The following VPS45 variants were observed in gnomAD, a reference collection of about 807,000 sequenced individuals.
VPS45 encodes vacuolar protein sorting 45 homolog.
A neutral mutation model predicts 75.9 loss-of-function variants in VPS45; 35 were observed. That is an observed-to-expected ratio of 0.46 (90% confidence interval 0.35 to 0.61). The LOEUF is 0.61. VPS45 is among the 20% of genes least tolerant of loss of function. The probability of loss-of-function intolerance (pLI) is 0.00; values close to 1 mark genes in which losing one functional copy is unlikely to be tolerated. For missense variants in VPS45, 559 were observed against 685.9 expected (o/e 0.81, Z 2.07); for synonymous variants, 220 against 238.2 (o/e 0.92, Z 0.70).
At chr1:150,115,703 G>A (rs1657893754) in intron 14 of VPS45, among the ~76,000 whole-genome samples, 1 of 152,138 alleles carries the variant, frequency 6.6e-6, no homozygotes, top group African/African-American at 2.4e-5. Flanking sequence ...TTTTATGTTA[G>A]TTGCTATACA....
At chr1:150,094,760 T>G (rs954396281) in intron 13 of VPS45, among the ~76,000 whole-genome samples, 1 of 152,218 alleles carries the variant, frequency 6.6e-6, no homozygotes, top group Admixed American at 6.5e-5. Flanking sequence ...TGCATTAATG[T>G]GATAAATAAA....
In VPS45 at chr1:150,131,317, T is replaced by C. The variant is rs149591172; in HGVS notation, c.1626-13392T>C. Among the ~76,000 whole-genome samples the C allele has an allele frequency of 2.8e-3, 429 of 152,226 alleles. 1 individual carries two copies. The highest frequency in any genetic ancestry group is 0.027 in the Middle Eastern group (8 of 294). Reference sequence around the variant, plus strand: ...TGAGGTCAGGAGTTTGAAACCAGCCTGGCCAACGTGGTGACACCCCATCTC... The same window carrying C: ...TGAGGTCAGGAGTTTGAAACCAGCCCGGCCAACGTGGTGACACCCCATCTC... On this transcript the variant is annotated intron_variant, in intron 14 of 14. Transcript: ENST00000644510.
At chr1:150,082,027 C>A in intron 9 of VPS45, 30 bp downstream of exon 9, 1 of 1,410,570 alleles carries the variant, frequency 7.1e-7, no homozygotes, top group Non-Finnish European at 1.0e-6. Context: ...GAATGACAAA[C>A]ATGTGACAGT....
At chr1:150,086,336 TG>T (rs782525133) in intron 10 of VPS45, among the ~76,000 whole-genome samples, 1 of 152,156 alleles carries the variant, frequency 6.6e-6, no homozygotes, top group South Asian at 2.1e-4. Flanking sequence ...TTATGGTACT[TG>T]GTACTTACAG....
At chr1:150,071,821 TAC>T (rs1321726062) in intron 2 of VPS45, among the ~76,000 whole-genome samples, 1 of 150,144 alleles carries the variant, frequency 6.7e-6, no homozygotes, top group East Asian at 1.9e-4. Flanking sequence ...AGCAAATGAA[TAC>T]AATTTATAGA....
At chr1:150,118,341 G>GA (rs1308268125) in intron 14 of VPS45, among the ~76,000 whole-genome samples, 1 of 149,376 alleles carries the variant, frequency 6.7e-6, no homozygotes, top group Non-Finnish European at 1.5e-5. Context: ...CAAAAAAGTA[G>GA]AAAAAAGAAA....
At chr1:150,091,885 A>C in intron 10 of VPS45, 52 bp from the exon 11 acceptor site, 1 of 1,560,302 alleles carries the variant, frequency 6.4e-7, no homozygotes, top group African/African-American at 1.4e-5. Context: ...GGCATTGTAC[A>C]ACAGATGACT....
intron 14 of VPS45, among the ~76,000 whole-genome samples, chr1:150,113,995 A>G (rs1163569805): frequency 6.6e-6 from 1 of 152,200 alleles, no homozygotes; most frequent in African/African-American, 2.4e-5. Flanking sequence ...TTTTAACTGT[A>G]ATCACTTTCC....
intron 14 of VPS45, among the ~76,000 whole-genome samples, chr1:150,112,541 G>A (rs1553807362): frequency 1.3e-5 from 2 of 152,090 alleles, no homozygotes; most frequent in African/African-American, 2.4e-5. Flanking sequence ...ACAGTGAGGG[G>A]CTTTTTTCTT....
intron 3 of VPS45, 85 bp from the exon 4 acceptor site, chr1:150,076,148 C>A (rs1655368702): frequency 3.4e-6 from 3 of 886,824 alleles, no homozygotes; most frequent in Non-Finnish European, 3.3e-6. Context: ...GTCACTTATT[C>A]ATTAGGCTTT....
intron 14 of VPS45, among the ~76,000 whole-genome samples, chr1:150,131,763 T>C (rs1658852458): frequency 6.6e-6 from 1 of 151,898 alleles, no homozygotes; most frequent in Non-Finnish European, 1.5e-5. Flanking sequence ...GGAAGATCAC[T>C]TGAGCCCAGG....
intron 14 of VPS45, among the ~76,000 whole-genome samples, chr1:150,119,589 A>C (rs1658122990): frequency 6.6e-6 from 1 of 152,060 alleles, no homozygotes; most frequent in Admixed American, 6.5e-5. Context: ...CTCTCCTTTT[A>C]CACTTAGAAT....
chr1:150,136,145 G>A (rs1203395741), intron 14 of VPS45, among the ~76,000 whole-genome samples: 2 of 150,220 alleles, frequency 1.3e-5, no homozygotes, highest in African/African-American at 4.9e-5. Context: ...GCTACTAGCA[G>A]GGCTGAGGCA....
chr1:150,073,315 G>A (rs782455514), intron 3 of VPS45, among the ~76,000 whole-genome samples: 3 of 152,148 alleles, frequency 2.0e-5, no homozygotes, highest in Non-Finnish European at 2.9e-5. Context: ...TTAGACTACA[G>A]TCTAAGACGT....
intron 14 of VPS45, among the ~76,000 whole-genome samples, chr1:150,126,547 A>T (rs147492740): frequency 6.6e-6 from 1 of 152,156 alleles, no homozygotes; most frequent in African/African-American, 2.4e-5. Context: ...TGCTCAAGTG[A>T]TGGAAATGTT....
chr1:150,098,727 C>G (rs1372500551), intron 13 of VPS45: 1 of 394,666 alleles, frequency 2.5e-6, no homozygotes, highest in South Asian at 5.1e-5. Flanking sequence ...TAGCCCTTAG[C>G]TGTTAAATTA....
chr1:150,112,744 G>A lies in VPS45; in HGVS notation c.1625+2117G>A, dbSNP rs189531720. Among the ~76,000 whole-genome samples the A allele has an allele frequency of 7.4e-4, 113 of 152,256 alleles. 2 individuals carry two copies. The highest frequency in any genetic ancestry group is 2.5e-3 in the African/African-American group (102 of 41,552). On this transcript the variant is annotated intron_variant, in intron 14 of 14. Coordinates refer to ENST00000644510, the MANE Select transcript of VPS45 (RefSeq NM_007259.5). The stretch of plus-strand genomic sequence containing the variant: ...GCCAGTCACAAGTTCCAGACCACCC[G>A]TATTTCGGGAGTGACTGGTTGTAAA...
chr1:150,135,781 G>A (rs1391808136), intron 14 of VPS45, among the ~76,000 whole-genome samples: 4 of 151,648 alleles, frequency 2.6e-5, no homozygotes, highest in African/African-American at 9.7e-5. Context: ...TGGGATTACA[G>A]GCACATGTCA....
intron 14 of VPS45, among the ~76,000 whole-genome samples, chr1:150,136,719 G>A (rs1435988440): frequency 7.4e-6 from 1 of 135,156 alleles, no homozygotes; most frequent in Non-Finnish European, 1.5e-5. Flanking sequence ...TCCATAGGAA[G>A]AAAGAGCAGT....
Sources: allele counts gnomAD v4.1 joint callset (sites outside exome capture counted in the v4.1 genomes callset), GRCh38; gene constraint gnomAD v4.1.1; transcripts MANE v1.5; gene names NCBI Gene and HGNC (gene_info 2026-07-23, HGNC 2026-07-21).